PTCH1: variants seen among roughly 807,000 people sequenced by gnomAD.
PTCH1 encodes the protein protein patched homolog 1.
Under a neutral mutation model 144.6 loss-of-function variants are expected in PTCH1, and 14 were observed. That is an observed-to-expected ratio of 0.10 (90% CI 0.06 to 0.15). The LOEUF is 0.15. Among genes scored for constraint, PTCH1 ranks in the 10% least tolerant of loss-of-function variants. The pLI is 1.00. For synonymous variants in PTCH1, 833 were observed against 793.6 expected (o/e 1.05, Z -0.83); for missense variants, 1,623 against 1,948.3 (o/e 0.83, Z 3.14).
chr9:95,444,491 ACACACACACGCACGCACG>A lies in PTCH1; in HGVS notation c.*1884_*1901del, dbSNP rs759856507. 715 of 147,408 alleles carry A rather than the reference ACACACACACGCACGCACG, an allele frequency of 4.9e-3. 7 individuals are homozygous for A. Among genetic ancestry groups the A allele is most frequent in the East Asian group, 0.03 (152 of 5,128 alleles). The allele number at this position is 147,408 out of a possible 1,614,324, so 9.1% of individuals were successfully genotyped here. On this transcript the variant is annotated 3_prime_UTR_variant, in exon 24 of 24. Transcript: ENST00000331920. ...GGTGGCCAGGGTCCCCAGCAGAGAC[ACACACACACGCACGCACG>A]CACACACACACACACACACCCAGCA...
intron 7 of PTCH1, 115 bp downstream of exon 7, chr9:95,479,854 G>A: frequency 2.0e-6 from 3 of 1,532,302 alleles, no homozygotes; most frequent in South Asian, 1.1e-5. Context: ...CCTGGCTAGC[G>A]AGGATAACGG....
chr9:95,465,377 A>G, intron 15 of PTCH1, among the ~76,000 whole-genome samples: 1 of 152,216 alleles, frequency 6.6e-6, no homozygotes, highest in East Asian at 1.9e-4. Flanking sequence ...TGGGGGGAAA[A>G]TGAAAGCAGG....
intron 22 of PTCH1, among the ~76,000 whole-genome samples, chr9:95,448,811 A>G (rs759439886): frequency 5.9e-5 from 9 of 151,644 alleles, no homozygotes; most frequent in South Asian, 2.1e-4. Flanking sequence ...GATAGATGCT[A>G]CTGCTTTGTG....
rs1402416466 is a variant in PTCH1, at chr9:95,480,109, C to T, written c.946-19G>A. On this transcript the variant is annotated intron_variant, in intron 6 of 23. Transcript: ENST00000331920. ...CAAGAGGCTAAAATAAAAAGACAGCCACATAATTATGGGAATTAGTAGGCA... is the reference window on the plus strand; with the variant it reads ...CAAGAGGCTAAAATAAAAAGACAGCTACATAATTATGGGAATTAGTAGGCA... The T allele has an allele frequency of 6.2e-7, 1 of 1,613,680 alleles. No homozygotes were observed. The highest frequency in any genetic ancestry group is 1.7e-5 in the Admixed American group (1 of 59,964).
chr9:95,476,648 A>G lies in PTCH1; in HGVS notation c.1602+111T>C, dbSNP rs1252065282. Reference sequence around the variant, plus strand: ...GGCAGCCAGTGACACATCATCTGACATGGGACTGAAATCTTTACTGGGTCA... The same window carrying G: ...GGCAGCCAGTGACACATCATCTGACGTGGGACTGAAATCTTTACTGGGTCA... On this transcript the variant is annotated intron_variant, in intron 11 of 23. Coordinates refer to ENST00000331920, the MANE Select transcript of PTCH1 (RefSeq NM_000264.5). This position sits in a 1 kb window ranked among gnomAD's most constrained non-coding sequence, Gnocchi z 4.6. The G allele has an allele frequency of 2.9e-6, 3 of 1,019,032 alleles. No individual in the cohort carries two copies. The highest frequency in any genetic ancestry group is 4.5e-6 in the Non-Finnish European group (3 of 662,424). The allele number at this position is 1,019,032 out of a possible 1,614,324, so 63.1% of individuals were successfully genotyped here. A position where few individuals can be genotyped will look rare whatever the true frequency, so the allele number is the denominator to read the frequency against.
rs763820572 is a variant in PTCH1 at position 95,449,779 on chromosome 9, C to T, written c.3549+62G>A. 4.6e-5 allele frequency: 66 copies of T among 1,441,572 alleles called. No homozygotes were observed. The highest frequency in any genetic ancestry group is 5.4e-5 in the Non-Finnish European group (55 of 1,027,874). 89.3% of individuals were successfully genotyped at this position (1,441,572 alleles called of 1,614,324 possible). On this transcript the variant is annotated intron_variant, in intron 21 of 23. Transcript: ENST00000331920. The surrounding 1 kb of genome is among the most constrained non-coding windows in gnomAD (Gnocchi z 5.3). Reference sequence around the variant, plus strand: ...GGCACCTAAGTATCGAAGTGAAGAGCGGCACAGGAAACACAGCATTCAGCC... The same window carrying T: ...GGCACCTAAGTATCGAAGTGAAGAGTGGCACAGGAAACACAGCATTCAGCC...
At chr9:95,461,583 G>A (rs62558338) in intron 16 of PTCH1, among the ~76,000 whole-genome samples, 1 of 152,196 alleles carries the variant, frequency 6.6e-6, no homozygotes, top group Non-Finnish European at 1.5e-5. Context: ...GCACTCTCTT[G>A]GCTGCACTTT....
In PTCH1 at chr9:95,456,318, A is replaced by T. The variant is rs1361137530; in HGVS notation, c.3264T>A (p.Ala1088=). Reference sequence around the variant, plus strand: ...TGAACTCCACTCCTATGCCAACAGAAGCGATCAGGATGACCACGGGCACGG... The same window carrying T: ...TGAACTCCACTCCTATGCCAACAGATGCGATCAGGATGACCACGGGCACGG... ...LSAVPVVILI[A]SVGIGVEFTV... The change falls in exon 19 of 24, where the codon GCT becomes GCA. Residue 1088 remains alanine (A), a synonymous_variant. Transcript: ENST00000331920. 2.5e-6 allele frequency: 4 copies of T among 1,614,050 alleles called. No individual in the cohort carries two copies. The highest frequency in any genetic ancestry group is 3.4e-6 in the Non-Finnish European group (4 of 1,180,028).
In PTCH1 at chr9:95,477,731, C is replaced by G. The variant is rs775607443; in HGVS notation, c.1348-29G>C. 1.4e-5 allele frequency: 22 copies of G among 1,613,328 alleles called. 1 individual carries two copies. The South Asian group carries it at 2.2e-4, about 16-fold the overall frequency. ...CAAGCAGAACAATGGGGGCACAGAA[C>G]AAAAGCCGAACATTAGAATGTGTTG... On this transcript the variant is annotated intron_variant, in intron 9 of 23. Coordinates refer to ENST00000331920, the MANE Select transcript of PTCH1 (RefSeq NM_000264.5).
intron 2 of PTCH1, among the ~76,000 whole-genome samples, chr9:95,490,519 T>TCACACACATACA (rs536111739): frequency 3.3e-4 from 39 of 119,924 alleles, no homozygotes; most frequent in African/African-American, 1.2e-3. Flanking sequence ...ACCTTCTATG[T>TCACACACATACA]GACACACACA....
rs2118422638 is a variant in PTCH1 at position 95,480,517 on chromosome 9, T to C, written c.818A>G (p.Tyr273Cys). Residue 273 changes from tyrosine (Y) to cysteine (C), a missense_variant, in exon 6 of 24, where the codon TAT becomes TGT. This residue lies in a region of PTCH1 where 230 missense variants were observed against 271.0 expected (regional missense o/e 0.85). Coordinates refer to ENST00000331920, the MANE Select transcript of PTCH1 (RefSeq NM_000264.5). ...EFLEELKKIN[Y>C]QVDSWEEMLN... Reference sequence around the variant, plus strand: ...CATTTCCTCCCAGCTGTCCACTTGATAGTTTATTTTCTTTAACTCTTCCAG... The same window carrying C: ...CATTTCCTCCCAGCTGTCCACTTGACAGTTTATTTTCTTTAACTCTTCCAG... 1 of 1,613,438 alleles carries C rather than the reference T, an allele frequency of 6.2e-7. No individual in the cohort carries two copies. The highest frequency in any genetic ancestry group is 1.7e-5 in the Admixed American group (1 of 59,912).
intron 1 of PTCH1, among the ~76,000 whole-genome samples, chr9:95,515,039 T>G (rs1844303218): frequency 6.6e-6 from 1 of 152,104 alleles, no homozygotes; most frequent in Non-Finnish European, 1.5e-5. Flanking sequence ...AGCCCCTTGT[T>G]TTACAACTTG....
chr9:95,447,478 G>A, intron 22 of PTCH1, 27 bp from the exon 23 acceptor site: 2 of 1,529,470 alleles, frequency 1.3e-6, no homozygotes, highest in Non-Finnish European at 1.7e-6. Context: ...TGGGTTAGAA[G>A]GGTGGTATCC....
intron 17 of PTCH1, 36 bp downstream of exon 17, chr9:95,459,562 CTG>C: frequency 6.2e-7 from 1 of 1,611,286 alleles, no homozygotes; most frequent in Non-Finnish European, 8.5e-7. Context: ...GAAGGCACCT[CTG>C]TAAGTTCCCA....
intron 12 of PTCH1, among the ~76,000 whole-genome samples, chr9:95,471,261 T>A (rs2118135263): frequency 6.6e-6 from 1 of 152,294 alleles, no homozygotes; most frequent in South Asian, 2.1e-4. Flanking sequence ...ATGGGAATTG[T>A]GAGTTTATGC....
chr9:95,492,883 G>C (rs1842522416), intron 2 of PTCH1, among the ~76,000 whole-genome samples: 1 of 152,068 alleles, frequency 6.6e-6, no homozygotes, highest in Non-Finnish European at 1.5e-5. Flanking sequence ...CTGGTCCCCA[G>C]AGAGTCCTGT....
At chr9:95,511,261 C>G (rs1406713328), upstream of PTCH1, among the ~76,000 whole-genome samples, 1 of 152,004 alleles carries the variant, frequency 6.6e-6, no homozygotes, top group East Asian at 1.9e-4. Flanking sequence ...TTCCCCTCCC[C>G]GCTTCCTTCC....
At chr9:95,507,991 G>C in intron 1 of PTCH1, 170 bp downstream of exon 1, 1 of 1,510,940 alleles carries the variant, frequency 6.6e-7, no homozygotes, top group Non-Finnish European at 8.8e-7. Flanking sequence ...GGGAGGGTTT[G>C]AATTTTTCAA....
At chr9:95,477,793 C>G (rs1841183697) in intron 9 of PTCH1, 91 bp from the exon 10 acceptor site, 1 of 1,545,242 alleles carries the variant, frequency 6.5e-7, no homozygotes, top group Non-Finnish European at 8.8e-7. Flanking sequence ...CACCCCAAAT[C>G]AAAAGGCAGA....
Sources: allele counts gnomAD v4.1 joint callset (sites outside exome capture counted in the v4.1 genomes callset), GRCh38; gene constraint gnomAD v4.1.1; regional missense constraint gnomAD v4.1.1; non-coding constraint Gnocchi (gnomAD v3.1); transcripts MANE v1.5; gene names NCBI Gene and HGNC (gene_info 2026-07-23, HGNC 2026-07-21).